Variants in ELMO1 observed in about 807,000 individuals in gnomAD.
The protein encoded by ELMO1 is engulfment and cell motility protein 1.
Under a neutral mutation model 98.9 loss-of-function variants are expected in ELMO1, and 26 were observed. The ratio of observed to expected loss-of-function variants is 0.26; its 90% CI spans 0.19 to 0.36. The LOEUF is 0.36. ELMO1 is among the 10% of genes least tolerant of loss of function. ELMO1 has a pLI of 1.00. For synonymous variants in ELMO1, 346 were observed against 346.0 expected, an observed-to-expected ratio of 1.00 and a Z score of 0.00; for missense variants, 627 against 935.2, an observed-to-expected ratio of 0.67 and a Z score of 4.30.
intron 8 of ELMO1, among the ~76,000 whole-genome samples, chr7:37,231,136 A>T (rs947536807): frequency 1.3e-5 from 2 of 152,174 alleles, no homozygotes; most frequent in Non-Finnish European, 2.9e-5. Context: ...GATTTACATA[A>T]GGAAAGAGAG....
intron 14 of ELMO1, among the ~76,000 whole-genome samples, chr7:37,117,824 T>A (rs1785707175): frequency 6.6e-6 from 1 of 152,208 alleles, no homozygotes; most frequent in South Asian, 2.1e-4. Context: ...AGGCTGTGCC[T>A]TTGGGGTCCT....
intron 1 of ELMO1, among the ~76,000 whole-genome samples, chr7:37,401,862 G>A (rs1259892038): frequency 6.6e-6 from 1 of 152,170 alleles, no homozygotes; most frequent in South Asian, 2.1e-4. Context: ...ATACCCAAAG[G>A]AAAGGAGTTG....
intron 15 of ELMO1, among the ~76,000 whole-genome samples, chr7:37,088,556 A>G (rs1479832502): frequency 6.6e-6 from 1 of 152,216 alleles, no homozygotes; most frequent in East Asian, 1.9e-4. Flanking sequence ...GATGACGATC[A>G]TGACTGATGA....
intron 15 of ELMO1, among the ~76,000 whole-genome samples, chr7:37,089,589 G>T (rs1783962767): frequency 6.6e-6 from 1 of 152,142 alleles, no homozygotes; most frequent in Admixed American, 6.5e-5. Context: ...GATGAAAGAA[G>T]AAATGCATTA....
At chr7:37,147,855 T>C (rs1788092603) in intron 13 of ELMO1, among the ~76,000 whole-genome samples, 1 of 151,304 alleles carries the variant, frequency 6.6e-6, no homozygotes, top group Non-Finnish European at 1.5e-5. Flanking sequence ...AAGCCAGTTA[T>C]TTAGCCCAGG....
chr7:37,432,144 G>A lies in ELMO1; in HGVS notation c.-74+16531C>T, dbSNP rs558575727. On this transcript the variant is annotated intron_variant, in intron 1 of 21. Coordinates refer to ENST00000310758, the MANE Select transcript of ELMO1 (RefSeq NM_014800.11). The stretch of plus-strand genomic sequence containing the variant: ...GATTCACCCACCTTGGCCTCCCAAA[G>A]TGTCGGGATTACAGGTGTGAGCCAC... 2.0e-5 allele frequency among the ~76,000 whole-genome samples: 3 copies of A among 152,314 alleles called. No individual in the cohort carries two copies. The East Asian group carries it at 5.8e-4, about 29-fold the overall frequency.
chr7:37,122,670 C>A lies in ELMO1; in HGVS notation c.1191+10460G>T, dbSNP rs529045640. ...AGAGACTACAAAGAGACTTAGACTC[C>A]CACACAATAATAATGGGAGACTTTA... On this transcript the variant is annotated intron_variant, in intron 14 of 21. Coordinates refer to ENST00000310758, the MANE Select transcript of ELMO1 (RefSeq NM_014800.11). 3.9e-5 allele frequency among the ~76,000 whole-genome samples: 6 copies of A among 152,194 alleles called. No individual in the cohort carries two copies. The East Asian group carries it at 9.7e-4, about 25-fold the overall frequency.
intron 16 of ELMO1, among the ~76,000 whole-genome samples, chr7:37,006,975 G>A (rs1279375697): frequency 7.1e-6 from 1 of 139,884 alleles, no homozygotes; most frequent in East Asian, 1.9e-4. Flanking sequence ...CTGTCCAACA[G>A]AAAGCGGCAA....
chr7:37,153,364 G>A (rs938375605), intron 13 of ELMO1, among the ~76,000 whole-genome samples: 1 of 152,182 alleles, frequency 6.6e-6, no homozygotes, highest in Non-Finnish European at 1.5e-5. Context: ...AAGGGGTCCA[G>A]GGATTTCCCT....
rs547202574 is a variant in ELMO1, at chr7:36,865,678, A to G, written c.1906-3942T>C. 1.1e-4 allele frequency among the ~76,000 whole-genome samples: 16 copies of G among 152,318 alleles called. No individual in the cohort carries two copies. In the South Asian group the frequency reaches 3.3e-3, roughly 32 times the overall value. On this transcript the variant is annotated intron_variant, in intron 20 of 21. Transcript: ENST00000310758. ...CTTTTCAAAAGCTAGATCAGATGCC[A>G]TGTCCTGCATCACCTTTCTCAACTC...
At chr7:37,150,779 A>G (rs6462733) in intron 13 of ELMO1, among the ~76,000 whole-genome samples, 112,219 of 152,102 alleles carry the variant, frequency 0.74, 44,060 homozygotes, top group Non-Finnish European at 0.87. Flanking sequence ...GTGGGAAGAC[A>G]GGTAATTTTT....
chr7:37,032,107 TA>T (rs1186460805), intron 15 of ELMO1, among the ~76,000 whole-genome samples: 1 of 152,136 alleles, frequency 6.6e-6, no homozygotes, highest in Non-Finnish European at 1.5e-5. Flanking sequence ...AACATCCTAT[TA>T]GAGTGCACCC....
chr7:37,053,028 A>G (rs1271987787), intron 15 of ELMO1, among the ~76,000 whole-genome samples: 1 of 152,166 alleles, frequency 6.6e-6, no homozygotes, highest in African/African-American at 2.4e-5. Flanking sequence ...CTCTGCTTTT[A>G]TATCCCTGAA....
chr7:37,332,297 G>A (rs1208707181), intron 2 of ELMO1, among the ~76,000 whole-genome samples: 4 of 152,206 alleles, frequency 2.6e-5, no homozygotes, highest in Non-Finnish European at 5.9e-5. Flanking sequence ...ATGTATTATT[G>A]TCTGTATCAA....
chr7:37,092,152 A>G (rs981243670), intron 15 of ELMO1, among the ~76,000 whole-genome samples: 1 of 152,120 alleles, frequency 6.6e-6, no homozygotes, highest in African/African-American at 2.4e-5. Context: ...AACTGAAACT[A>G]AGAGAAAATA....
chr7:37,315,489 T>G (rs1433326738), intron 3 of ELMO1, among the ~76,000 whole-genome samples: 5 of 152,150 alleles, frequency 3.3e-5, no homozygotes, highest in Non-Finnish European at 7.3e-5. Flanking sequence ...CACAAAGAAG[T>G]AGGAAAGTCA....
At chr7:37,388,244 C>CCTG (rs1205363017) in intron 1 of ELMO1, among the ~76,000 whole-genome samples, 1 of 152,062 alleles carries the variant, frequency 6.6e-6, no homozygotes, top group African/African-American at 2.4e-5. Context: ...GTGAAAGTGC[C>CCTG]CACCACCAGA....
At chr7:37,334,438 C>T (rs190595831) in intron 2 of ELMO1, among the ~76,000 whole-genome samples, 1 of 152,210 alleles carries the variant, frequency 6.6e-6, no homozygotes, top group African/African-American at 2.4e-5. Flanking sequence ...AAGAGCAAAA[C>T]TCCATCTCAA....
chr7:37,316,043 A>G (rs921825756), intron 2 of ELMO1, 83 bp from the exon 3 acceptor site: 2 of 1,101,506 alleles, frequency 1.8e-6, no homozygotes, highest in Non-Finnish European at 1.3e-6. Context: ...TCATAAAAAG[A>G]TTATCTAAGC....
Sources: gnomAD v4.1 joint callset for allele counts (sites outside exome capture counted in the v4.1 genomes callset) on GRCh38, gnomAD v4.1.1 for gene constraint, MANE v1.5 for transcripts, NCBI Gene and HGNC (gene_info 2026-07-23, HGNC 2026-07-21) for gene names.